Variants in ANO6 observed in about 807,000 individuals in gnomAD.
ANO6 encodes the protein anoctamin-6.
Under a neutral mutation model 117.5 loss-of-function variants are expected in ANO6, and 106 were observed. That is an observed-to-expected ratio of 0.90 (90% confidence interval 0.77 to 1.06). The LOEUF (loss-of-function observed/expected upper bound fraction) is 1.06. Among genes scored for constraint, ANO6 ranks in the 50% least tolerant of loss-of-function variants. The pLI is 0.00. For synonymous variants in ANO6, 367 were observed against 385.1 expected, an observed-to-expected ratio of 0.95 and a Z score of 0.55; for missense variants, 955 against 1,121.1, an observed-to-expected ratio of 0.85 and a Z score of 2.12.
chr12:45,329,003 C>T (rs1378747420), intron 2 of ANO6, among the ~76,000 whole-genome samples: 1 of 152,150 alleles, frequency 6.6e-6, no homozygotes, highest in Non-Finnish European at 1.5e-5. Flanking sequence ...TCTCCAATCT[C>T]AGTAAATGAC....
At chr12:45,428,332 G>T (rs1160249132) in intron 19 of ANO6, among the ~76,000 whole-genome samples, 1 of 152,170 alleles carries the variant, frequency 6.6e-6, no homozygotes, top group South Asian at 2.1e-4. Flanking sequence ...ACAAAAGGTG[G>T]CCTGGCGTGG....
chr12:45,300,028 TTTC>T (rs1171136923), intron 1 of ANO6, among the ~76,000 whole-genome samples: 2 of 152,118 alleles, frequency 1.3e-5, no homozygotes, highest in Admixed American at 1.3e-4. Context: ...AATGTTGAGT[TTTC>T]TTCTTTTGGG....
At chr12:45,338,380 C>G (rs376796286) in intron 3 of ANO6, among the ~76,000 whole-genome samples, 1 of 151,932 alleles carries the variant, frequency 6.6e-6, no homozygotes, top group Non-Finnish European at 1.5e-5. Flanking sequence ...ATCAGAACAG[C>G]GTGGAAAGTT....
chr12:45,259,053 AT>A (rs1343976131), intron 1 of ANO6, among the ~76,000 whole-genome samples: 2 of 152,164 alleles, frequency 1.3e-5, no homozygotes, highest in African/African-American at 4.8e-5. Context: ...CATTATTTTC[AT>A]TTAAGAGGTG....
At chr12:45,234,265 AT>A (rs1336321547) in intron 1 of ANO6, among the ~76,000 whole-genome samples, 1 of 152,204 alleles carries the variant, frequency 6.6e-6, no homozygotes, top group Non-Finnish European at 1.5e-5. Flanking sequence ...CTGCACATTC[AT>A]TCTGAGGATT....
At chr12:45,405,957 C>T (rs1380232573) in intron 15 of ANO6, among the ~76,000 whole-genome samples, 1 of 151,896 alleles carries the variant, frequency 6.6e-6, no homozygotes, top group Non-Finnish European at 1.5e-5. Context: ...AAAACTATAC[C>T]CACCCCCCAA....
rs536891121 is a variant in ANO6, at chr12:45,309,212, TG to T, written c.150+7120del. ...CTGAGAGGCCAGAATGCATTGGTCATGTCATGTCTCTGGATGCATAGGTCCT... is the reference window on the plus strand; with the variant it reads ...CTGAGAGGCCAGAATGCATTGGTCATTCATGTCTCTGGATGCATAGGTCCT... On this transcript the variant is annotated intron_variant, in intron 2 of 19. Coordinates refer to ENST00000320560, the MANE Select transcript of ANO6 (RefSeq NM_001025356.3). Among the ~76,000 whole-genome samples, 910 of 152,208 alleles carry T rather than the reference TG, an allele frequency of 6.0e-3. 5 individuals are homozygous for T. The highest frequency in any genetic ancestry group is 0.02 in the African/African-American group (827 of 41,540).
chr12:45,429,168 A>G lies in ANO6; in HGVS notation c.2590A>G (p.Lys864Glu). 1 of 1,613,974 alleles carries G rather than the reference A, an allele frequency of 6.2e-7. No individual in the cohort carries two copies. The change falls in exon 20 of 20, where the codon AAG (lysine) becomes GAG (glutamate). Residue 864 changes from lysine to glutamate, a missense_variant. By Grantham distance (56) the Lys-to-Glu change is moderately conservative (BLOSUM62 1). Transcript: ENST00000320560. ...YAIPDVSKRT[K>E]SKIQREKYLT... is the part of the protein sequence containing the mutation. ...AATTCCCGATGTATCAAAACGCACA[A>G]AGAGCAAGATCCAGAGAGAAAAATA...
intron 10 of ANO6, among the ~76,000 whole-genome samples, chr12:45,382,187 A>G (rs1461316798): frequency 6.6e-6 from 1 of 152,202 alleles, no homozygotes. Context: ...TAATTGCATT[A>G]TTTTTGGTGC....
chr12:45,370,493 T>G (rs1941796240), intron 9 of ANO6, among the ~76,000 whole-genome samples: 1 of 152,164 alleles, frequency 6.6e-6, no homozygotes, highest in Admixed American at 6.5e-5. Context: ...ACAGGTGGGG[T>G]CTTCTTTTTG....
intron 12 of ANO6, among the ~76,000 whole-genome samples, chr12:45,395,750 A>T (rs1011314989): frequency 6.6e-6 from 1 of 152,256 alleles, no homozygotes; most frequent in Non-Finnish European, 1.5e-5. Flanking sequence ...CCACATGATT[A>T]TATCAATAGA....
intron 3 of ANO6, among the ~76,000 whole-genome samples, chr12:45,334,689 G>A (rs915017984): frequency 6.6e-6 from 1 of 152,038 alleles, no homozygotes; most frequent in Non-Finnish European, 1.5e-5. Flanking sequence ...GAACAAGCAG[G>A]CTTTTCTTAG....
intron 12 of ANO6, 39 bp from the exon 13 acceptor site, chr12:45,401,756 T>C: frequency 1.3e-6 from 2 of 1,516,676 alleles, no homozygotes; most frequent in Non-Finnish European, 1.8e-6. Context: ...AGTGCAGTTA[T>C]TGGTGAGTCT....
In ANO6 at chr12:45,430,585, G is replaced by C. The variant is rs1383436008; in HGVS notation, c.*1274G>C. On this transcript the variant is annotated 3_prime_UTR_variant, in exon 20 of 20. Coordinates refer to ENST00000320560, the MANE Select transcript of ANO6 (RefSeq NM_001025356.3). ...CAGCTTATTCATAATCAAGTAAAGAGACTCAGATTAGATTTGATTTTTTAG... is the reference window on the plus strand; with the variant it reads ...CAGCTTATTCATAATCAAGTAAAGACACTCAGATTAGATTTGATTTTTTAG... 1.0e-6 allele frequency: 1 copy of C among 985,388 alleles called. No individual in the cohort carries two copies. Among genetic ancestry groups the C allele is most frequent in the Non-Finnish European group, 1.2e-6 (1 of 829,930 alleles). 61.0% of individuals were successfully genotyped at this position (985,388 alleles called of 1,614,324 possible). A position where few individuals can be genotyped will look rare whatever the true frequency, so the allele number is the denominator to read the frequency against.
chr12:45,328,647 T>TG (rs1156730589), intron 2 of ANO6, among the ~76,000 whole-genome samples: 3 of 152,144 alleles, frequency 2.0e-5, no homozygotes, highest in Non-Finnish European at 2.9e-5. Flanking sequence ...CGTAAAGGCT[T>TG]TTGCTTCTAA....
chr12:45,370,741 T>C (rs949743991), intron 9 of ANO6, among the ~76,000 whole-genome samples: 15 of 152,196 alleles, frequency 9.9e-5, no homozygotes. Flanking sequence ...ATTTGAAATA[T>C]GTGGTCTTAT....
intron 19 of ANO6, among the ~76,000 whole-genome samples, chr12:45,424,722 G>A (rs1943457001): frequency 6.6e-6 from 1 of 152,130 alleles, no homozygotes; most frequent in Non-Finnish European, 1.5e-5. Flanking sequence ...ACCCATCAGT[G>A]CCTCTATCTT....
At chr12:45,325,827 ACT>A (rs1289060616) in intron 2 of ANO6, among the ~76,000 whole-genome samples, 4 of 152,120 alleles carry the variant, frequency 2.6e-5, no homozygotes, top group Non-Finnish European at 5.9e-5. Context: ...TACAATTATA[ACT>A]CTGTGGGTTT....
Position 45,331,335 on chromosome 12 carries a change from A to G in ANO6, c.191A>G (p.Asp64Gly), listed in dbSNP as rs772928472. ...AAACCTGACTCCCTCTTTTTTAATG[A>G]TGGCCAGCGAAGAATTGACTTTGTT... ...NGKPDSLFFNDGQRRIDFVLV... is the reference protein window; with the variant it reads ...NGKPDSLFFNGGQRRIDFVLV... Residue 64 changes from aspartate to glycine, a missense_variant, in exon 3 of 20, where the codon GAT becomes GGT. Physicochemically the swap from Asp to Gly is moderately conservative, Grantham distance 94. Coordinates refer to ENST00000320560, the MANE Select transcript of ANO6 (RefSeq NM_001025356.3). 6.2e-7 allele frequency: 1 copy of G among 1,609,852 alleles called. No homozygotes were observed. Among genetic ancestry groups the G allele is most frequent in the African/African-American group, 1.3e-5 (1 of 74,756 alleles).
Sources: allele counts gnomAD v4.1 joint callset (sites outside exome capture counted in the v4.1 genomes callset), GRCh38; gene constraint gnomAD v4.1.1; transcripts MANE v1.5; gene names NCBI Gene and HGNC (gene_info 2026-07-23, HGNC 2026-07-21).